The following TBL1XR1 variants were observed in gnomAD, a reference collection of about 807,000 sequenced individuals.
TBL1XR1 encodes the protein TBL1X/Y related 1, also known as F-box-like/WD repeat-containing protein TBL1XR1.
A neutral mutation model predicts 66.9 loss-of-function variants in TBL1XR1; 5 were observed. The observed-to-expected ratio is 0.07, with a 90% confidence interval of 0.04 to 0.16. TBL1XR1 has a LOEUF of 0.16. TBL1XR1 is among the 10% of genes least tolerant of loss of function. The pLI, the probability that TBL1XR1 is intolerant of heterozygous loss-of-function variation, is 1.00. For missense variants in TBL1XR1, 238 were observed against 623.2 expected (o/e 0.38, Z 6.58); for synonymous variants, 210 against 206.0 (o/e 1.02, Z -0.17).
chr3:177,040,033 A>G (rs1370054751), intron 10 of TBL1XR1, among the ~76,000 whole-genome samples: 2 of 152,192 alleles, frequency 1.3e-5, no homozygotes, highest in African/African-American at 2.4e-5. Flanking sequence ...GAAAAACAGG[A>G]GAGTTAAAGT....
intron 2 of TBL1XR1, among the ~76,000 whole-genome samples, chr3:177,093,443 C>G (rs1723077530): frequency 6.6e-6 from 1 of 152,090 alleles, no homozygotes; most frequent in Non-Finnish European, 1.5e-5. Context: ...CAAAATACTA[C>G]ATCATTCTTC....
Position 177,183,982 on chromosome 3 carries a change from T to C in TBL1XR1, c.-122+13139A>G, listed in dbSNP as rs190642238. 3.3e-5 allele frequency among the ~76,000 whole-genome samples: 5 copies of C among 151,028 alleles called. No homozygotes were observed. In the East Asian group the frequency reaches 9.8e-4, roughly 30 times the overall value. On this transcript the variant is annotated intron_variant, in intron 1 of 15. Coordinates refer to ENST00000457928, the MANE Select transcript of TBL1XR1 (RefSeq NM_024665.7). ...AAGACTCTCCTACCTAGTCTCCTGT[T>C]ACTGCTGAGAAGAGGGCCATGACAG...
intron 1 of TBL1XR1, among the ~76,000 whole-genome samples, chr3:177,153,005 G>A (rs889892963): frequency 5.9e-5 from 9 of 152,254 alleles, no homozygotes; most frequent in East Asian, 3.9e-4. Context: ...GCTGGGCGTG[G>A]TGGCGTGCAC....
chr3:177,035,650 G>C (rs759515670), intron 12 of TBL1XR1, among the ~76,000 whole-genome samples: 1 of 152,168 alleles, frequency 6.6e-6, no homozygotes, highest in Non-Finnish European at 1.5e-5. Context: ...CTGACCTCAA[G>C]TGAACTGCCC....
chr3:177,083,942 G>A (rs1356144717), intron 2 of TBL1XR1, among the ~76,000 whole-genome samples: 3 of 151,882 alleles, frequency 2.0e-5, no homozygotes, highest in African/African-American at 7.3e-5. Flanking sequence ...ACAAAAATTA[G>A]CTGGGCGTGG....
intron 1 of TBL1XR1, among the ~76,000 whole-genome samples, chr3:177,133,104 G>A (rs1728493554): frequency 6.6e-6 from 1 of 152,080 alleles, no homozygotes; most frequent in African/African-American, 2.4e-5. Context: ...TGGCCAGCAT[G>A]GCCAAACCCC....
At chr3:177,147,069 T>C (rs1730345343) in intron 1 of TBL1XR1, among the ~76,000 whole-genome samples, 2 of 151,258 alleles carry the variant, frequency 1.3e-5, no homozygotes, top group Non-Finnish European at 2.9e-5. Flanking sequence ...TTTTAAGAGA[T>C]GTAGTCTTAC....
At chr3:177,050,431 CAAT>C in intron 6 of TBL1XR1, 44 bp downstream of exon 6, 1 of 1,598,798 alleles carries the variant, frequency 6.3e-7, no homozygotes, top group Non-Finnish European at 8.5e-7. Context: ...ATAAAATGTT[CAAT>C]AAGATATTTT....
intron 1 of TBL1XR1, among the ~76,000 whole-genome samples, chr3:177,114,665 T>A (rs1388704293): frequency 1.3e-5 from 2 of 150,914 alleles, no homozygotes; most frequent in Non-Finnish European, 2.9e-5. Flanking sequence ...GTCACTTTTT[T>A]AAAATTAAAA....
intron 1 of TBL1XR1, among the ~76,000 whole-genome samples, chr3:177,188,973 C>T (rs1041021236): frequency 2.0e-5 from 3 of 152,078 alleles, no homozygotes; most frequent in Non-Finnish European, 4.4e-5. Context: ...TTGGGGAGGC[C>T]GAGGCGGGTG....
At chr3:177,142,622 G>C (rs1484167694) in intron 1 of TBL1XR1, among the ~76,000 whole-genome samples, 1 of 151,880 alleles carries the variant, frequency 6.6e-6, no homozygotes. Flanking sequence ...TAACACTATT[G>C]AACTATACAT....
At chr3:177,126,598 G>GT (rs1484634154) in intron 1 of TBL1XR1, among the ~76,000 whole-genome samples, 1 of 152,046 alleles carries the variant, frequency 6.6e-6, no homozygotes. Context: ...GTCATCACTT[G>GT]TAACACCCAT....
At chr3:177,041,815 TCAAAGTGAGGAGTC>T (rs1370974507) in intron 10 of TBL1XR1, among the ~76,000 whole-genome samples, 2 of 152,128 alleles carry the variant, frequency 1.3e-5, no homozygotes, top group Admixed American at 6.5e-5. Context: ...TGTCAGGAGT[TCAAAGTGAGGAGTC>T]CAAAGTTAGG....
chr3:177,049,233 CAGAAG>C (rs1407427611), intron 7 of TBL1XR1, among the ~76,000 whole-genome samples: 1 of 151,834 alleles, frequency 6.6e-6, no homozygotes, highest in Non-Finnish European at 1.5e-5. Context: ...GGTTGTTAAA[CAGAAG>C]AGAAAAGAAC....
intron 2 of TBL1XR1, among the ~76,000 whole-genome samples, chr3:177,092,999 C>A (rs1021718233): frequency 6.6e-6 from 1 of 152,078 alleles, no homozygotes; most frequent in Non-Finnish European, 1.5e-5. Context: ...CAAGGGCATC[C>A]AAATCGGTAA....
intron 1 of TBL1XR1, among the ~76,000 whole-genome samples, chr3:177,169,182 T>C (rs1279491110): frequency 6.6e-6 from 1 of 152,220 alleles, no homozygotes; most frequent in East Asian, 1.9e-4. Context: ...CACTTCGATA[T>C]GTTCCAACAT....
At chr3:177,153,504 A>C (rs528724618) in intron 1 of TBL1XR1, among the ~76,000 whole-genome samples, 1 of 152,378 alleles carries the variant, frequency 6.6e-6, no homozygotes, top group Non-Finnish European at 1.5e-5. Context: ...AAAATAGTAC[A>C]TAAAAGGGAG....
At chr3:177,143,981 G>A (rs1032150597) in intron 1 of TBL1XR1, among the ~76,000 whole-genome samples, 1 of 152,106 alleles carries the variant, frequency 6.6e-6, no homozygotes, top group African/African-American at 2.4e-5. Context: ...GCCGGGCATG[G>A]TGGCTCATGC....
At chr3:177,114,093 G>T (rs1024994295) in intron 1 of TBL1XR1, among the ~76,000 whole-genome samples, 10 of 151,982 alleles carry the variant, frequency 6.6e-5, no homozygotes, top group African/African-American at 2.2e-4. Flanking sequence ...GTTAAAAATG[G>T]CATATTCTTG....
Sources: gnomAD v4.1 joint callset for allele counts (sites outside exome capture counted in the v4.1 genomes callset) on GRCh38, gnomAD v4.1.1 for gene constraint, MANE v1.5 for transcripts, NCBI Gene and HGNC (gene_info 2026-07-23, HGNC 2026-07-21) for gene names.